The following INPP1 variants were observed in gnomAD, a reference collection of about 807,000 sequenced individuals.
INPP1 encodes inositol polyphosphate-1-phosphatase.
In INPP1, 18 loss-of-function variants were observed where a neutral mutation model predicts 23.0. The ratio of observed to expected loss-of-function variants is 0.78; its 90% CI spans 0.54 to 1.16. INPP1 has a LOEUF of 1.16. Ranked by LOEUF, INPP1 falls within the 50% of genes most tolerant of loss-of-function variation. The pLI, the probability that INPP1 is intolerant of heterozygous loss-of-function variation, is 0.00. For missense variants in INPP1, 448 were observed against 482.1 expected, an observed-to-expected ratio of 0.93 and a Z score of 0.66; for synonymous variants, 164 against 176.3, an observed-to-expected ratio of 0.93 and a Z score of 0.55.
chr2:190,355,491 T>A lies in INPP1; in HGVS notation c.-64-4548T>A, dbSNP rs138133543. On this transcript the variant is annotated intron_variant, in intron 2 of 6. Coordinates refer to ENST00000392329, the MANE Select transcript of INPP1 (RefSeq NM_001128928.2). The surrounding 1 kb of genome is among the most constrained non-coding windows in gnomAD (Gnocchi z 5.1). ...AAATCTGTGTTTAGAGTTATACAGGTTGCTGACAAAAATACAGATTCCTAG... is the reference window on the plus strand; with the variant it reads ...AAATCTGTGTTTAGAGTTATACAGGATGCTGACAAAAATACAGATTCCTAG... 6.6e-3 allele frequency among the ~76,000 whole-genome samples: 1,010 copies of A among 152,298 alleles called. 12 individuals are homozygous for A. Among genetic ancestry groups the A allele is most frequent in the African/African-American group, 0.022 (916 of 41,564 alleles).
rs1328392116 is a variant in INPP1 at position 190,346,128 on chromosome 2, G to T, written c.-209+2167G>T. ...GGGTAGTAGGCAAGTCGGGGAGTGG[G>T]TAGAGTATAATAGTGGTTTAAAAGA... On this transcript the variant is annotated intron_variant, in intron 1 of 6. Coordinates refer to ENST00000392329, the MANE Select transcript of INPP1 (RefSeq NM_001128928.2). The surrounding 1 kb of genome is among the most constrained non-coding windows in gnomAD (Gnocchi z 5.1). 6.6e-6 allele frequency among the ~76,000 whole-genome samples: 1 copy of T among 152,226 alleles called. No homozygotes were observed. Among genetic ancestry groups the T allele is most frequent in the Non-Finnish European group, 1.5e-5 (1 of 68,048 alleles).
In INPP1 at chr2:190,345,067, C is replaced by T. The variant is rs865833637; in HGVS notation, c.-209+1106C>T. 4.6e-5 allele frequency among the ~76,000 whole-genome samples: 7 copies of T among 152,146 alleles called. No individual in the cohort carries two copies. Among genetic ancestry groups the T allele is most frequent in the Admixed American group, 1.3e-4 (2 of 15,276 alleles). ...GAGAACATAAGGGAAAAAATAAAGGCAATGGAAGAATTCATTTTTTCAATA... is the reference window on the plus strand; with the variant it reads ...GAGAACATAAGGGAAAAAATAAAGGTAATGGAAGAATTCATTTTTTCAATA... On this transcript the variant is annotated intron_variant, in intron 1 of 6. Coordinates refer to ENST00000392329, the MANE Select transcript of INPP1 (RefSeq NM_001128928.2). This position sits in a 1 kb window ranked among gnomAD's most constrained non-coding sequence, Gnocchi z 4.9.
chr2:190,351,132 G>C (rs73981069), intron 2 of INPP1, among the ~76,000 whole-genome samples: 2,049 of 152,332 alleles, frequency 0.013, 58 homozygotes, highest in African/African-American at 0.045. Flanking sequence ...TCCTAAGACA[G>C]CAAATGCATT....
chr2:190,344,697 C>T (rs1689182288), intron 1 of INPP1, among the ~76,000 whole-genome samples: 1 of 152,170 alleles, frequency 6.6e-6, no homozygotes, highest in Admixed American at 6.5e-5. Flanking sequence ...TACTTTAGTA[C>T]ATCTGTGAAA....
intron 1 of INPP1, among the ~76,000 whole-genome samples, chr2:190,347,515 T>G (rs949694735): frequency 6.6e-6 from 1 of 152,284 alleles, no homozygotes; most frequent in East Asian, 1.9e-4. Context: ...CTCTTTACAT[T>G]GCTTTTCTTT....
chr2:190,346,385 G>A lies in INPP1; in HGVS notation c.-209+2424G>A, dbSNP rs941183633. ...AAACTGATTTTATTAATATGATGAG[G>A]CCACTCATTTAGGAAATCTGAAACT... On this transcript the variant is annotated intron_variant, in intron 1 of 6. Transcript: ENST00000392329. The surrounding 1 kb of genome is among the most constrained non-coding windows in gnomAD (Gnocchi z 5.1). 6.6e-6 allele frequency among the ~76,000 whole-genome samples: 1 copy of A among 152,080 alleles called. No individual in the cohort carries two copies. The highest frequency in any genetic ancestry group is 2.4e-5 in the African/African-American group (1 of 41,408).
At chr2:190,362,094 T>C (rs1267091178) in intron 3 of INPP1, among the ~76,000 whole-genome samples, 1 of 152,192 alleles carries the variant, frequency 6.6e-6, no homozygotes. Context: ...CTTTCTCTTT[T>C]TTCATATCCC....
intron 2 of INPP1, chr2:190,359,825 TGA>T (rs1228236933): frequency 2.9e-6 from 1 of 350,322 alleles, no homozygotes. Flanking sequence ...GGTATATTTT[TGA>T]GAGTGTAAAT....
In INPP1 at chr2:190,346,569, T is replaced by C. The variant is rs1369525753; in HGVS notation, c.-208-2319T>C. Among the ~76,000 whole-genome samples the C allele has an allele frequency of 6.6e-6, 1 of 152,212 alleles. No homozygotes were observed. The highest frequency in any genetic ancestry group is 1.5e-5 in the Non-Finnish European group (1 of 68,034). On this transcript the variant is annotated intron_variant, in intron 1 of 6. Transcript: ENST00000392329. This position sits in a 1 kb window ranked among gnomAD's most constrained non-coding sequence, Gnocchi z 5.1. ...GACTAATGCAGATTACTGTAACTAG[T>C]AATCCACAGCAAAATATTGTACCTA...
chr2:190,362,584 G>T (rs1575789522), intron 3 of INPP1, 43 bp from the exon 4 acceptor site: 1 of 1,248,566 alleles, frequency 8.0e-7, no homozygotes. Flanking sequence ...GAGCATATGT[G>T]TGGGTTTTTG....
rs1403648317 is a variant in INPP1, at chr2:190,369,120, A to G, written c.484A>G (p.Ile162Val). 2.5e-6 allele frequency: 4 copies of G among 1,596,348 alleles called. No individual in the cohort carries two copies. Among genetic ancestry groups the G allele is most frequent in the South Asian group, 2.3e-5 (2 of 88,286 alleles). The change falls in exon 6 of 7, where the codon ATA becomes GTA. Residue 162 changes from isoleucine to valine, a missense_variant. Ile to Val is a conservative substitution (Grantham distance 29). Transcript: ENST00000392329. The stretch of plus-strand genomic sequence containing the variant: ...TTTTTCAGATTCAACTTATCAGTAT[A>G]TAAAAGGTTCTGCTGACATTAAATC... ...VDPIDSTYQY[I>V]KGSADIKSNQ...
At chr2:190,362,988 T>C (rs1231831239) in intron 4 of INPP1, 6 of 208,814 alleles carry the variant, frequency 2.9e-5, no homozygotes, top group Non-Finnish European at 5.7e-5. Context: ...GGGAATCTAA[T>C]GTAAGTTATT....
Position 190,367,275 on chromosome 2 carries a change from A to G in INPP1, c.466+380A>G, listed in dbSNP as rs538107533. 6.6e-6 allele frequency among the ~76,000 whole-genome samples: 1 copy of G among 152,328 alleles called. No homozygotes were observed. The highest frequency in any genetic ancestry group is 2.1e-4 in the South Asian group (1 of 4,824). On this transcript the variant is annotated intron_variant, in intron 5 of 6. Transcript: ENST00000392329. This position sits in a 1 kb window ranked among gnomAD's most constrained non-coding sequence, Gnocchi z 4.1. ...TGAGCACACATACCATTTAAAGAGC[A>G]CTTAGCTTTAGCAGATTGTTACCAT... is the stretch of plus-strand genomic sequence containing the variant.
intron 4 of INPP1, among the ~76,000 whole-genome samples, chr2:190,364,409 G>A (rs1410065783): frequency 6.6e-6 from 1 of 151,832 alleles, no homozygotes; most frequent in Non-Finnish European, 1.5e-5. Context: ...GGGCGTGGTG[G>A]CGGGCGCCTG....
chr2:190,361,101 T>C (rs111676083), intron 3 of INPP1, among the ~76,000 whole-genome samples: 6 of 151,502 alleles, frequency 4.0e-5, no homozygotes, highest in South Asian at 2.1e-4. Flanking sequence ...TTATAACAAT[T>C]TGATGAAGAA....
At chr2:190,369,579 A>G (rs1450599815) in intron 6 of INPP1, among the ~76,000 whole-genome samples, 2 of 152,250 alleles carry the variant, frequency 1.3e-5, no homozygotes, top group African/African-American at 4.8e-5. Flanking sequence ...AAAACCAGAT[A>G]AGTAGAGTGG....
rs185934743 is a variant in INPP1 at position 190,359,374 on chromosome 2, G to A, written c.-64-665G>A. Among the ~76,000 whole-genome samples, 451 of 151,698 alleles carry A rather than the reference G, an allele frequency of 3.0e-3. 6 individuals carry two copies. Among genetic ancestry groups the A allele is most frequent in the Non-Finnish European group, 2.5e-3 (171 of 67,890 alleles). ...TTAGAAAAGTTGCCCTGGATAACAC[G>A]GTGAAACCCTGTCTCTACTAAAAAT... On this transcript the variant is annotated intron_variant, in intron 2 of 6. Transcript: ENST00000392329.
Position 190,356,744 on chromosome 2 carries a change from G to C in INPP1, c.-64-3295G>C, listed in dbSNP as rs1479719965. 1 of 152,050 alleles carries C rather than the reference G, an allele frequency of 6.6e-6. No individual in the cohort carries two copies. Among genetic ancestry groups the C allele is most frequent in the Non-Finnish European group, 1.5e-5 (1 of 68,034 alleles). 9.4% of individuals were successfully genotyped at this position (152,050 alleles called of 1,614,324 possible). ...TTAACACTTGAATAAAAGAAACACT[G>C]CTGATATTGTTTATCTTGAAAGCTT... On this transcript the variant is annotated intron_variant, in intron 2 of 6. Coordinates refer to ENST00000392329, the MANE Select transcript of INPP1 (RefSeq NM_001128928.2). The surrounding 1 kb of genome is among the most constrained non-coding windows in gnomAD (Gnocchi z 6.4).
In INPP1 at chr2:190,371,187, G is replaced by A. The variant is rs758274194; in HGVS notation, c.985G>A (p.Gly329Arg). The change falls in exon 7 of 7, where the codon GGG becomes AGG. Residue 329 changes from glycine (G) to arginine (R), a missense_variant. Transcript: ENST00000392329. This position sits in a 1 kb window ranked among gnomAD's most constrained non-coding sequence, Gnocchi z 5.3. ...TCATGCCATACTGAGGGCCATGGGT[G>A]GGGGAATAGTAGACTTGAAAGAATG... ...AAHAILRAMG[G>R]GIVDLKECLE... 3 of 1,613,978 alleles carry A rather than the reference G, an allele frequency of 1.9e-6. No homozygotes were observed. The highest frequency in any genetic ancestry group is 2.5e-6 in the Non-Finnish European group (3 of 1,179,888).
Sources: allele counts gnomAD v4.1 joint callset (sites outside exome capture counted in the v4.1 genomes callset), GRCh38; gene constraint gnomAD v4.1.1; non-coding constraint Gnocchi (gnomAD v3.1); transcripts MANE v1.5; gene names NCBI Gene and HGNC (gene_info 2026-07-23, HGNC 2026-07-21).